EML5: variants seen among roughly 807,000 people sequenced by gnomAD.
EML5 encodes the protein EMAP like 5.
Under a neutral mutation model 250.0 loss-of-function variants are expected in EML5, and 120 were observed. The observed-to-expected ratio is 0.48, with a 90% CI of 0.41 to 0.56. The LOEUF is 0.56. Among genes scored for constraint, EML5 ranks in the 20% least tolerant of loss-of-function variants. The pLI, the probability that EML5 is intolerant of heterozygous loss-of-function variation, is 0.00. For missense variants in EML5, 2,006 were observed against 2,437.6 expected (o/e 0.82, Z 3.73); for synonymous variants, 771 against 806.5 (o/e 0.96, Z 0.75).
At chr14:88,742,791 A>C (rs1047630849) in intron 4 of EML5, among the ~76,000 whole-genome samples, 1 of 152,100 alleles carries the variant, frequency 6.6e-6, no homozygotes, top group East Asian at 1.9e-4. Context: ...ATTTACTACT[A>C]TCCATCAATC....
Position 88,768,417 on chromosome 14 carries a change from C to CTT in EML5, c.198-13748_198-13747dup, listed in dbSNP as rs57996765. Among the ~76,000 whole-genome samples, 535 of 148,242 alleles carry CTT rather than the reference C, an allele frequency of 3.6e-3. 2 individuals are homozygous for CTT. Among genetic ancestry groups the CTT allele is most frequent in the African/African-American group, 0.011 (463 of 40,426 alleles). On this transcript the variant is annotated intron_variant, in intron 1 of 43. Transcript: ENST00000554922. ...TAAAATATTTCCGTAATGTGATTGTCTTTTTTTTTTTGAGACAGAGTTTCG... is the reference window on the plus strand; with the variant it reads ...TAAAATATTTCCGTAATGTGATTGTCTTTTTTTTTTTTTGAGACAGAGTTTCG...
intron 17 of EML5, among the ~76,000 whole-genome samples, chr14:88,688,840 C>T (rs1281878293): frequency 6.6e-6 from 1 of 152,222 alleles, no homozygotes; most frequent in East Asian, 1.9e-4. Flanking sequence ...CCCAAAGTAA[C>T]TGAAATGTCA....
chr14:88,618,921 TC>T (rs2140275365), intron 39 of EML5, 109 bp from the exon 40 acceptor site: 2 of 1,087,700 alleles, frequency 1.8e-6, no homozygotes, highest in South Asian at 3.7e-5. Context: ...TGATAAGGCC[TC>T]AAATAGATTT....
intron 14 of EML5, among the ~76,000 whole-genome samples, chr14:88,698,784 A>G (rs949201112): frequency 2.6e-5 from 4 of 152,118 alleles, no homozygotes; most frequent in Admixed American, 6.5e-5. Flanking sequence ...TACATTTTCA[A>G]TTGTCTACTG....
At chr14:88,715,877 A>G (rs1291885701) in intron 8 of EML5, among the ~76,000 whole-genome samples, 6 of 152,054 alleles carry the variant, frequency 3.9e-5, no homozygotes. Context: ...CTTAGGGACC[A>G]TGTTGACCAG....
At chr14:88,760,360 T>TTTTTGCTGTC (rs1311133490) in intron 1 of EML5, among the ~76,000 whole-genome samples, 1 of 152,016 alleles carries the variant, frequency 6.6e-6, no homozygotes, top group Non-Finnish European at 1.5e-5. Context: ...GTTTGTTTGT[T>TTTTTGCTGTC]TTTTGCTGTC....
chr14:88,684,121 T>G (rs946348394), intron 20 of EML5, among the ~76,000 whole-genome samples: 1 of 151,160 alleles, frequency 6.6e-6, no homozygotes, highest in East Asian at 1.9e-4. Flanking sequence ...TTACAGGTTA[T>G]AGGGTTAATG....
At chr14:88,747,604 C>T (rs190664121) in intron 2 of EML5, among the ~76,000 whole-genome samples, 9 of 151,716 alleles carry the variant, frequency 5.9e-5, no homozygotes, top group South Asian at 2.1e-4. Flanking sequence ...GCTTAATGTG[C>T]GAAATAAAAT....
intron 33 of EML5, among the ~76,000 whole-genome samples, chr14:88,633,552 CAA>C (rs1389783401): frequency 1.3e-5 from 2 of 152,102 alleles, no homozygotes; most frequent in Non-Finnish European, 2.9e-5. Flanking sequence ...AATAAAATAA[CAA>C]GAGATAACAG....
At position 88,736,568 on chromosome 14, in the gene EML5, AGT is replaced by A; in HGVS notation, c.848-5_848-4del. On this transcript the variant is annotated splice_polypyrimidine_tract_variant and splice_region_variant and intron_variant, in intron 6 of 43. Transcript: ENST00000554922. ...ACACACACTCCTTACAGACAAACCT[AGT>A]AAAAAGTAAATTGTATTTAATATAT... 6.2e-7 allele frequency: 1 copy of A among 1,613,390 alleles called. No homozygotes were observed.
rs145422633 is a variant in EML5, at chr14:88,702,958, T to C, written c.2052-326A>G. Among the ~76,000 whole-genome samples the C allele has an allele frequency of 3.0e-3, 453 of 152,172 alleles. 1 individual carries two copies. The highest frequency in any genetic ancestry group is 0.01 in the African/African-American group (422 of 41,520). Reference sequence around the variant, plus strand: ...TTCATAGAGATGGGGTTTTGCCATGTTGCCCAGGCTGGTCTCAAACTCCGG... The same window carrying C: ...TTCATAGAGATGGGGTTTTGCCATGCTGCCCAGGCTGGTCTCAAACTCCGG... On this transcript the variant is annotated intron_variant, in intron 13 of 43. Coordinates refer to ENST00000554922, the MANE Select transcript of EML5 (RefSeq NM_183387.3).
At chr14:88,624,643 C>A (rs2089635359) in intron 36 of EML5, 1 of 224,536 alleles carries the variant, frequency 4.5e-6, no homozygotes, top group Non-Finnish European at 8.7e-6. Context: ...AAAATACAAC[C>A]CTGGCTCCAG....
Position 88,744,112 on chromosome 14 carries a change from T to C in EML5, c.457-21A>G, listed in dbSNP as rs201845710. On this transcript the variant is annotated intron_variant, in intron 3 of 43. Coordinates refer to ENST00000554922, the MANE Select transcript of EML5 (RefSeq NM_183387.3). ...AATATCTGTAAACAAATCAGATTCATGATTAAAATACTTATTTCCAGAATC... is the reference window on the plus strand; with the variant it reads ...AATATCTGTAAACAAATCAGATTCACGATTAAAATACTTATTTCCAGAATC... 7.9e-5 allele frequency: 118 copies of C among 1,500,116 alleles called. No homozygotes were observed. In the Middle Eastern group the frequency reaches 2.3e-3, roughly 29 times the overall value. The allele number at this position is 1,500,116 out of a possible 1,614,324, so 92.9% of individuals were successfully genotyped here. A position where few individuals can be genotyped will look rare whatever the true frequency, so the allele number is the denominator to read the frequency against.
At chr14:88,661,906 T>G (rs2092112909) in intron 24 of EML5, 76 bp from the exon 25 acceptor site, 1 of 1,300,466 alleles carries the variant, frequency 7.7e-7, no homozygotes, top group Non-Finnish European at 1.0e-6. Flanking sequence ...TAAACATTTT[T>G]CTTTGTAGTT....
intron 31 of EML5, among the ~76,000 whole-genome samples, chr14:88,642,467 G>C (rs1260669123): frequency 3.3e-5 from 5 of 152,040 alleles, no homozygotes; most frequent in African/African-American, 1.2e-4. Flanking sequence ...GCTTTCCAAG[G>C]CCTCAGTAAG....
chr14:88,671,133 G>GA (rs1278502510), intron 21 of EML5, among the ~76,000 whole-genome samples: 1 of 151,934 alleles, frequency 6.6e-6, no homozygotes, highest in East Asian at 1.9e-4. Flanking sequence ...CAAAATGAAG[G>GA]AAAAAAATGT....
chr14:88,750,281 T>A (rs1382921905), intron 2 of EML5, among the ~76,000 whole-genome samples: 1 of 152,118 alleles, frequency 6.6e-6, no homozygotes, highest in Non-Finnish European at 1.5e-5. Context: ...AATGGGGATA[T>A]AAAATTACTT....
intron 1 of EML5, among the ~76,000 whole-genome samples, chr14:88,775,291 G>T (rs1020995706): frequency 1.4e-4 from 22 of 152,294 alleles, no homozygotes; most frequent in African/African-American, 5.1e-4. Context: ...ATAGGGGTGG[G>T]TAGATCACCA....
intron 1 of EML5, among the ~76,000 whole-genome samples, chr14:88,786,012 T>C (rs1214467150): frequency 1.3e-5 from 2 of 152,232 alleles, no homozygotes; most frequent in Non-Finnish European, 2.9e-5. Context: ...CTTACTACTT[T>C]CCTTCAAGTT....
Sources: gnomAD v4.1 joint callset for allele counts (sites outside exome capture counted in the v4.1 genomes callset) on GRCh38, gnomAD v4.1.1 for gene constraint, MANE v1.5 for transcripts, NCBI Gene and HGNC (gene_info 2026-07-23, HGNC 2026-07-21) for gene names.